The following TMEM200C variants were observed in gnomAD, a reference collection of about 807,000 sequenced individuals.
The protein encoded by TMEM200C is transmembrane protein 200C, also known as transmembrane protein TTMA.
For synonymous variants in TMEM200C, 462 were observed against 324.7 expected, an observed-to-expected ratio of 1.42 and a Z score of -4.55; for missense variants, 966 against 699.9, an observed-to-expected ratio of 1.38 and a Z score of -4.29.
chr18:5,890,662 G>A, exon 3 of TMEM200C: 1 of 632,162 alleles, frequency 1.6e-6, no homozygotes, highest in Non-Finnish European at 2.3e-6. Context: ...CTGCGGCGCC[G>A]CAAGGCCGCG....
chr18:5,894,007 C>T (rs887314395), intron 2 of TMEM200C, among the ~76,000 whole-genome samples: 3 of 152,142 alleles, frequency 2.0e-5, no homozygotes, highest in Admixed American at 1.3e-4. Flanking sequence ...TTAAGTGATC[C>T]TTGGAGTCCA....
chr18:5,892,724 A>G (rs1263843376), intron 2 of TMEM200C, among the ~76,000 whole-genome samples: 1 of 152,258 alleles, frequency 6.6e-6, no homozygotes, highest in East Asian at 1.9e-4. Context: ...TCACTGGATG[A>G]AAATCAAAGG....
chr18:5,886,550 TAA>T (rs1313991529), exon 3 of TMEM200C: 1 of 152,204 alleles, frequency 6.6e-6, no homozygotes, highest in Non-Finnish European at 1.5e-5. Context: ...TTTAGTACAT[TAA>T]GTTTATGGTT....
At chr18:5,893,792 ATC>A (rs1242376065) in intron 2 of TMEM200C, among the ~76,000 whole-genome samples, 1 of 152,126 alleles carries the variant, frequency 6.6e-6, no homozygotes, top group Non-Finnish European at 1.5e-5. Flanking sequence ...GCAAATCAAT[ATC>A]TCTTTGGGAC....
At chr18:5,886,520 T>C (rs1338110290) in exon 3 of TMEM200C, 2 of 152,182 alleles carry the variant, frequency 1.3e-5, no homozygotes, top group East Asian at 3.8e-4. Flanking sequence ...CTTTCTGATA[T>C]ACCTAAATTT....
At chr18:5,890,480 A>T (rs1330352007) in exon 3 of TMEM200C, 4 of 1,555,504 alleles carry the variant, frequency 2.6e-6, no homozygotes, top group Non-Finnish European at 3.5e-6. Flanking sequence ...TGGATGGGTC[A>T]TCCGACTGGG....
chr18:5,890,148 T>C (rs768148348), exon 3 of TMEM200C: 3 of 1,479,492 alleles, frequency 2.0e-6, no homozygotes, highest in East Asian at 4.7e-5. Flanking sequence ...CTGATTCAAG[T>C]GGGCGTTTCT....
chr18:5,890,484 G>A (rs866868014), exon 3 of TMEM200C: 2 of 1,553,302 alleles, frequency 1.3e-6, no homozygotes, highest in Admixed American at 1.9e-5. Context: ...TGGGTCATCC[G>A]ACTGGGAGCT....
Position 5,891,494 on chromosome 18 carries a change from G to C in TMEM200C, c.570C>G (p.Asn190Lys). Reference sequence around the variant, plus strand: ...TGATGATTTTGGTCTTCTTGTCCCGGTTCTCGTGGAGGACCGCGTTTGCGC... The same window carrying C: ...TGATGATTTTGGTCTTCTTGTCCCGCTTCTCGTGGAGGACCGCGTTTGCGC... Residue 190 changes from asparagine (N) to lysine (K), a missense_variant, in exon 3 of 3, where the codon AAC becomes AAG. Transcript: ENST00000581347. This position sits in a 1 kb window ranked among gnomAD's most constrained non-coding sequence, Gnocchi z 4.7. 1 of 1,605,734 alleles carries C rather than the reference G, an allele frequency of 6.2e-7. No homozygotes were observed. The highest frequency in any genetic ancestry group is 8.5e-7 in the Non-Finnish European group (1 of 1,176,300).
rs565280012 is a variant in TMEM200C at position 5,891,624 on chromosome 18, G to C, written c.440C>G (p.Thr147Arg). 1.2e-6 allele frequency: 2 copies of C among 1,613,856 alleles called. No individual in the cohort carries two copies. Among genetic ancestry groups the C allele is most frequent in the Non-Finnish European group, 1.7e-6 (2 of 1,179,840 alleles). ...GATGCGGAAGAAGAAGCCCACGGAC[G>C]TGGAGGAGGAGGACGGGGAGGCGGC... Residue 147 changes from threonine (T) to arginine (R), a missense_variant, in exon 3 of 3, where the codon ACG (threonine) becomes AGG (arginine). Thr to Arg is a moderately conservative substitution (Grantham distance 71). Transcript: ENST00000581347. The surrounding 1 kb of genome is among the most constrained non-coding windows in gnomAD (Gnocchi z 4.7).
chr18:5,891,625 T>TGGA lies in TMEM200C; in HGVS notation c.436_438dup (p.Ser146dup). 2 of 1,613,512 alleles carry TGGA rather than the reference T, an allele frequency of 1.2e-6. No individual in the cohort carries two copies. The highest frequency in any genetic ancestry group is 1.7e-6 in the Non-Finnish European group (2 of 1,179,732). ...ATGCGGAAGAAGAAGCCCACGGACG[T>TGGA]GGAGGAGGAGGACGGGGAGGCGGCT... On this transcript the variant is annotated inframe_insertion, in exon 3 of 3. Coordinates refer to ENST00000581347, the Ensembl canonical transcript of TMEM200C. This position sits in a 1 kb window ranked among gnomAD's most constrained non-coding sequence, Gnocchi z 4.7.
In TMEM200C at chr18:5,891,629, G is replaced by C; in HGVS notation, c.435C>G (p.Ser145=). The C allele has an allele frequency of 6.2e-7, 1 of 1,613,894 alleles. No homozygotes were observed. The highest frequency in any genetic ancestry group is 8.5e-7 in the Non-Finnish European group (1 of 1,179,844). ...GGAAGAAGAAGCCCACGGACGTGGA[G>C]GAGGAGGACGGGGAGGCGGCTCGTG... Residue 145 remains serine (S), a synonymous_variant, in exon 3 of 3, where the codon TCC becomes TCG. Transcript: ENST00000581347. The surrounding 1 kb of genome is among the most constrained non-coding windows in gnomAD (Gnocchi z 4.7).
intron 2 of TMEM200C, among the ~76,000 whole-genome samples, chr18:5,893,614 G>A (rs999128402): frequency 6.6e-6 from 1 of 152,156 alleles, no homozygotes; most frequent in African/African-American, 2.4e-5. Flanking sequence ...GATAATTCAT[G>A]TTTTAGAATA....
At chr18:5,890,856 C>G (rs1293246960) in exon 3 of TMEM200C, 1 of 680,080 alleles carries the variant, frequency 1.5e-6, no homozygotes, top group Non-Finnish European at 2.7e-6. Flanking sequence ...CCCCGGAGGC[C>G]TCTGCCAGCT....
exon 3 of TMEM200C, chr18:5,889,952 T>C (rs1418879080): frequency 2.7e-6 from 1 of 363,942 alleles, no homozygotes; most frequent in African/African-American, 2.1e-5. Context: ...TTTAATACAT[T>C]TGGTTTTCAT....
At chr18:5,893,471 G>C in intron 2 of TMEM200C, among the ~76,000 whole-genome samples, 1 of 152,192 alleles carries the variant, frequency 6.6e-6, no homozygotes, top group East Asian at 1.9e-4. Context: ...CAGTCTTGCT[G>C]TATCTCCAGA....
At position 5,890,303 on chromosome 18, in the gene TMEM200C, T is replaced by C. The variant is rs529224149; in HGVS notation, c.1761A>G (p.Gln587=). The change falls in exon 3 of 3, where the codon CAA becomes CAG. Residue 587 remains glutamine, a synonymous_variant. Transcript: ENST00000581347. ...TAAACTGCCTCTGCACCGGCTGAGG[T>C]TGCTCGGCCGTGGGTGGCTCCTGGC... 11 of 1,601,596 alleles carry C rather than the reference T, an allele frequency of 6.9e-6. No individual in the cohort carries two copies. The East Asian group carries it at 2.0e-4, about 29-fold the overall frequency.
exon 3 of TMEM200C, chr18:5,890,731 C>T (rs1328129501): frequency 9.1e-6 from 5 of 546,458 alleles, no homozygotes; most frequent in African/African-American, 7.9e-5. Flanking sequence ...GCCGCTACCG[C>T]GCCCTCGGGC....
At chr18:5,882,411 A>G (rs577124685) in exon 3 of TMEM200C, 11 of 152,170 alleles carry the variant, frequency 7.2e-5, no homozygotes, top group African/African-American at 2.6e-4. Context: ...TGTCCTTTCC[A>G]TTCACTTTAT....
Sources: allele counts gnomAD v4.1 joint callset (sites outside exome capture counted in the v4.1 genomes callset), GRCh38; gene constraint gnomAD v4.1.1; non-coding constraint Gnocchi (gnomAD v3.1); transcripts MANE v1.5; gene names NCBI Gene and HGNC (gene_info 2026-07-23, HGNC 2026-07-21).